The following SRPK2 variants were observed in gnomAD, a reference collection of about 807,000 sequenced individuals.
SRPK2 encodes the protein SFRS protein kinase 2.
A neutral mutation model predicts 90.8 loss-of-function variants in SRPK2; 21 were observed. The observed-to-expected ratio is 0.23, with a 90% CI of 0.16 to 0.33. SRPK2 has a LOEUF of 0.33. Ranked by LOEUF, SRPK2 falls within the 10% of genes least tolerant of loss-of-function variation. The pLI is 1.00. For synonymous variants in SRPK2, 288 were observed against 311.1 expected (o/e 0.93, Z 0.78); for missense variants, 620 against 869.0 (o/e 0.71, Z 3.60).
At chr7:105,150,912 A>C (rs1000274234) in intron 7 of SRPK2, among the ~76,000 whole-genome samples, 1 of 152,134 alleles carries the variant, frequency 6.6e-6, no homozygotes, top group African/African-American at 2.4e-5. Context: ...CATGCACGAG[A>C]GTTGTCCTAT....
intron 2 of SRPK2, among the ~76,000 whole-genome samples, chr7:105,374,982 T>C (rs941608520): frequency 2.0e-5 from 3 of 152,088 alleles, no homozygotes; most frequent in African/African-American, 7.2e-5. Flanking sequence ...GAGATGATAA[T>C]GTAAGTAACA....
At chr7:105,171,398 C>T (rs1394472106) in intron 3 of SRPK2, among the ~76,000 whole-genome samples, 2 of 152,064 alleles carry the variant, frequency 1.3e-5, no homozygotes, top group Non-Finnish European at 2.9e-5. Flanking sequence ...CAATATTTTA[C>T]TACTTTTTTA....
chr7:105,282,097 T>C (rs936257675), intron 2 of SRPK2, among the ~76,000 whole-genome samples: 3 of 152,174 alleles, frequency 2.0e-5, no homozygotes, highest in African/African-American at 7.2e-5. Flanking sequence ...GAATGAAAAG[T>C]GTGAGGAAAG....
At chr7:105,224,818 T>A (rs1798518688) in intron 2 of SRPK2, among the ~76,000 whole-genome samples, 2 of 152,190 alleles carry the variant, frequency 1.3e-5, no homozygotes, top group South Asian at 4.1e-4. Context: ...GTACATTCAG[T>A]TAGTATTCAA....
chr7:105,330,351 A>C (rs1249773066), intron 2 of SRPK2, among the ~76,000 whole-genome samples: 2 of 151,370 alleles, frequency 1.3e-5, no homozygotes, highest in Non-Finnish European at 2.9e-5. Context: ...ATAAATAAAT[A>C]AATAAAAATA....
At position 105,347,166 on chromosome 7, in the gene SRPK2, C is replaced by T. The variant is rs921962489; in HGVS notation, c.71+41482G>A. On this transcript the variant is annotated intron_variant, in intron 2 of 15. Coordinates refer to ENST00000393651, the MANE Select transcript of SRPK2 (RefSeq NM_182692.3). ...CCTCCACCTCTGGGCTCAAGCAATCCTCCCACCTCTACTCAGCCTTCTAAG... is the reference window on the plus strand; with the variant it reads ...CCTCCACCTCTGGGCTCAAGCAATCTTCCCACCTCTACTCAGCCTTCTAAG... Among the ~76,000 whole-genome samples, 11 of 151,684 alleles carry T rather than the reference C, an allele frequency of 7.3e-5. 1 individual carries two copies. Among genetic ancestry groups the T allele is most frequent in the Non-Finnish European group, 1.6e-4 (11 of 67,948 alleles).
At position 105,179,824 on chromosome 7, in the gene SRPK2, C is replaced by CAA. The variant is rs1185836588; in HGVS notation, c.230-10561_230-10560dup. Among the ~76,000 whole-genome samples the CAA allele has an allele frequency of 2.1e-3, 125 of 60,246 alleles. 1 individual carries two copies. The highest frequency in any genetic ancestry group is 2.9e-3 in the African/African-American group (41 of 14,348). The allele number at this position is 60,246 out of a possible 152,430, so 39.5% of individuals were successfully genotyped here. A position where few individuals can be genotyped will look rare whatever the true frequency, so the allele number is the denominator to read the frequency against. ...TGGGCAACACAGTAAGAGTCCATCT[C>CAA]AAAAAAAAAAAAAAAAAAAAAAAAG... On this transcript the variant is annotated intron_variant, in intron 3 of 15. Transcript: ENST00000393651.
At chr7:105,165,756 G>A (rs541666010) in intron 6 of SRPK2, among the ~76,000 whole-genome samples, 11 of 152,308 alleles carry the variant, frequency 7.2e-5, no homozygotes, top group South Asian at 6.2e-4. Flanking sequence ...CTGGCCACCC[G>A]AACCAGCAGC....
chr7:105,324,157 C>T (rs540807381), intron 2 of SRPK2, among the ~76,000 whole-genome samples: 1 of 151,496 alleles, frequency 6.6e-6, no homozygotes, highest in Non-Finnish European at 1.5e-5. Flanking sequence ...CCACCATGCC[C>T]GGGTAATTAT....
chr7:105,365,707 G>T (rs1403747028), intron 2 of SRPK2, among the ~76,000 whole-genome samples: 4 of 151,660 alleles, frequency 2.6e-5, no homozygotes, highest in African/African-American at 9.7e-5. Context: ...ACTGAGATGG[G>T]AGGATCATGT....
At chr7:105,188,655 G>A (rs943786189) in intron 3 of SRPK2, among the ~76,000 whole-genome samples, 6 of 152,034 alleles carry the variant, frequency 3.9e-5, no homozygotes, top group African/African-American at 1.4e-4. Flanking sequence ...AAACAAAGAG[G>A]AAAAAATTTT....
intron 2 of SRPK2, among the ~76,000 whole-genome samples, chr7:105,225,837 T>C (rs947524970): frequency 6.6e-6 from 1 of 152,058 alleles, no homozygotes; most frequent in Non-Finnish European, 1.5e-5. Flanking sequence ...GTTCTAGACT[T>C]CTGCTGTCCT....
intron 2 of SRPK2, among the ~76,000 whole-genome samples, chr7:105,365,752 T>C (rs1818972431): frequency 6.6e-6 from 1 of 151,762 alleles, no homozygotes; most frequent in Non-Finnish European, 1.5e-5. Flanking sequence ...TGAGTCATCA[T>C]GCCACTTCAC....
intron 6 of SRPK2, among the ~76,000 whole-genome samples, chr7:105,163,113 T>A (rs1269222586): frequency 6.6e-6 from 1 of 152,176 alleles, no homozygotes; most frequent in East Asian, 1.9e-4. Flanking sequence ...ATATGAGGGA[T>A]TTTCAAAAAG....
At chr7:105,248,191 G>C (rs1801975064) in intron 2 of SRPK2, among the ~76,000 whole-genome samples, 1 of 152,086 alleles carries the variant, frequency 6.6e-6, no homozygotes, top group South Asian at 2.1e-4. Flanking sequence ...GGAAAAGGTT[G>C]GTACTACTTA....
chr7:105,250,339 TAAACAAAC>T (rs58664882), intron 2 of SRPK2, among the ~76,000 whole-genome samples: 8,685 of 151,158 alleles, frequency 0.057, 690 homozygotes, highest in African/African-American at 0.18. Context: ...AAACTCTGTC[TAAACAAAC>T]AAACAAACAA....
At chr7:105,288,775 T>C (rs1190910125) in intron 2 of SRPK2, among the ~76,000 whole-genome samples, 2 of 151,996 alleles carry the variant, frequency 1.3e-5, no homozygotes, top group Non-Finnish European at 2.9e-5. Context: ...AGTAGAGCCA[T>C]CCTCCCAGAT....
At chr7:105,351,804 CAAA>C (rs569215779) in intron 2 of SRPK2, among the ~76,000 whole-genome samples, 5 of 94,684 alleles carry the variant, frequency 5.3e-5, no homozygotes, top group Non-Finnish European at 6.5e-5. Flanking sequence ...GACTCCATCT[CAAA>C]AAAAAAAAAA....
chr7:105,265,427 T>C (rs1421966915), intron 2 of SRPK2, among the ~76,000 whole-genome samples: 1 of 152,144 alleles, frequency 6.6e-6, no homozygotes, highest in Non-Finnish European at 1.5e-5. Context: ...GACTTGAGCA[T>C]CTGTGGATTT....
Sources: gnomAD v4.1 joint callset for allele counts (sites outside exome capture counted in the v4.1 genomes callset) on GRCh38, gnomAD v4.1.1 for gene constraint, MANE v1.5 for transcripts, NCBI Gene and HGNC (gene_info 2026-07-23, HGNC 2026-07-21) for gene names.